GPR39: variants seen among roughly 807,000 people sequenced by gnomAD.
GPR39 encodes the protein G protein-coupled receptor 39, also known as zinc sensing receptor.
A neutral mutation model predicts 18.4 loss-of-function variants in GPR39; 23 were observed. The observed-to-expected ratio is 1.25, with a 90% CI of 0.90 to 1.77. The LOEUF is 1.77. Among genes scored for constraint, GPR39 ranks in the 40% most tolerant of loss-of-function variants. GPR39 has a pLI of 0.00. For synonymous variants in GPR39, 280 were observed against 257.9 expected (o/e 1.09, Z -0.82); for missense variants, 647 against 602.4 (o/e 1.07, Z -0.78).
At position 132,535,695 on chromosome 2, in the gene GPR39, C is replaced by CTTTTT. The variant is rs753801511; in HGVS notation, c.857-109399_857-109395dup. ...GGCTGTGAATCCATCTGGTCCTGGG[C>CTTTTT]TTTTTTTTTTTGGTTGGTAGGCTAT... On this transcript the variant is annotated intron_variant, in intron 1 of 1. Transcript: ENST00000329321. Among the ~76,000 whole-genome samples, 13 of 96,538 alleles carry CTTTTT rather than the reference C, an allele frequency of 1.3e-4. 1 individual carries two copies. In the Middle Eastern group the frequency reaches 0.023, roughly 169 times the overall value. 63.3% of individuals were successfully genotyped at this position (96,538 alleles called of 152,430 possible).
chr2:132,579,994 G>A (rs1680595489), intron 1 of GPR39, among the ~76,000 whole-genome samples: 1 of 152,150 alleles, frequency 6.6e-6, no homozygotes, highest in South Asian at 2.1e-4. Context: ...ATTCATTTTA[G>A]GTAAAAAATA....
rs1215998151 is a variant in GPR39, at chr2:132,492,957, TATATATACACC to T, written c.856+75085_856+75095del. ...ATATATACACACCATATATACACCA[TATATATACACC>T]ATATATACACCATATATACACCATA... On this transcript the variant is annotated intron_variant, in intron 1 of 1. Transcript: ENST00000329321. Among the ~76,000 whole-genome samples, 164 of 143,068 alleles carry T rather than the reference TATATATACACC, an allele frequency of 1.1e-3. 1 individual carries two copies. In the East Asian group the frequency reaches 0.013, roughly 11 times the overall value. 93.9% of individuals were successfully genotyped at this position (143,068 alleles called of 152,430 possible). A position where few individuals can be genotyped will look rare whatever the true frequency, so the allele number is the denominator to read the frequency against.
intron 1 of GPR39, among the ~76,000 whole-genome samples, chr2:132,624,966 G>A (rs76670213): frequency 0.013 from 1,952 of 152,120 alleles, 47 homozygotes; most frequent in African/African-American, 0.044. Flanking sequence ...TGGGTCATAG[G>A]TTCTGCACAT....
chr2:132,611,994 G>C (rs1681246545), intron 1 of GPR39, among the ~76,000 whole-genome samples: 2 of 152,146 alleles, frequency 1.3e-5, no homozygotes, highest in South Asian at 4.1e-4. Flanking sequence ...AAGCAAACAT[G>C]TGAGTTCAGC....
In GPR39 at chr2:132,504,996, T is replaced by C. The variant is rs565253785; in HGVS notation, c.856+87098T>C. On this transcript the variant is annotated intron_variant, in intron 1 of 1. Transcript: ENST00000329321. ...AATCTGTCCAGCTGCTTTCATGTGA[T>C]ATGCTAATAAATAGGCATGTGCCTT... is the stretch of plus-strand genomic sequence containing the variant. 2.6e-5 allele frequency among the ~76,000 whole-genome samples: 4 copies of C among 152,346 alleles called. No homozygotes were observed. The South Asian group carries it at 8.3e-4, about 32-fold the overall frequency.
chr2:132,621,043 C>T (rs752866406), intron 1 of GPR39, among the ~76,000 whole-genome samples: 32 of 152,186 alleles, frequency 2.1e-4, no homozygotes, highest in Non-Finnish European at 3.4e-4. Flanking sequence ...TGAGCCACTG[C>T]GCCTGGCCAC....
chr2:132,456,567 A>G lies in GPR39; in HGVS notation c.856+38669A>G, dbSNP rs980418255. On this transcript the variant is annotated intron_variant, in intron 1 of 1. Coordinates refer to ENST00000329321, the MANE Select transcript of GPR39 (RefSeq NM_001508.3). ...GCCCGTTCATTGATGCAGTTTCTTC[A>G]TAGCATCGATGGTCTTTTCAATTTG... Among the ~76,000 whole-genome samples the G allele has an allele frequency of 2.6e-5, 4 of 152,156 alleles. 1 individual carries two copies. Among genetic ancestry groups the G allele is most frequent in the East Asian group, 3.8e-4 (2 of 5,200 alleles).
chr2:132,571,785 C>A (rs1680444231), intron 1 of GPR39, among the ~76,000 whole-genome samples: 2 of 152,090 alleles, frequency 1.3e-5, no homozygotes, highest in Non-Finnish European at 2.9e-5. Flanking sequence ...TTAAACTAAC[C>A]CCATAAAAAA....
intron 1 of GPR39, among the ~76,000 whole-genome samples, chr2:132,435,609 C>T (rs547917695): frequency 6.6e-6 from 1 of 152,266 alleles, no homozygotes; most frequent in South Asian, 2.1e-4. Flanking sequence ...AATGCCTGCA[C>T]TGTTCAAGGG....
rs1261142901 is a variant in GPR39 at position 132,493,535 on chromosome 2, C to CA, written c.856+75637_856+75638insA. Among the ~76,000 whole-genome samples, 448 of 136,928 alleles carry CA rather than the reference C, an allele frequency of 3.3e-3. 2 individuals are homozygous for CA. Among genetic ancestry groups the CA allele is most frequent in the African/African-American group, 0.011 (393 of 34,432 alleles). 89.8% of individuals were successfully genotyped at this position (136,928 alleles called of 152,430 possible). ...ATATATATATATATATATACACACA[C>CA]CATATATATATATATGGTAGCAGCA... is the stretch of plus-strand genomic sequence containing the variant. On this transcript the variant is annotated intron_variant, in intron 1 of 1. Coordinates refer to ENST00000329321, the MANE Select transcript of GPR39 (RefSeq NM_001508.3).
intron 1 of GPR39, among the ~76,000 whole-genome samples, chr2:132,423,846 A>G (rs1438739640): frequency 6.6e-6 from 1 of 152,208 alleles, no homozygotes; most frequent in African/African-American, 2.4e-5. Context: ...TCATTCCAGC[A>G]TAGTGTCTAG....
chr2:132,526,454 A>G (rs1274904092), intron 1 of GPR39, among the ~76,000 whole-genome samples: 1 of 152,176 alleles, frequency 6.6e-6, no homozygotes, highest in Admixed American at 6.5e-5. Context: ...AAGTGCAGGC[A>G]GGGCTCAGCT....
chr2:132,419,772 G>A (rs1331699020), intron 1 of GPR39, among the ~76,000 whole-genome samples: 2 of 152,156 alleles, frequency 1.3e-5, no homozygotes, highest in Admixed American at 6.5e-5. Flanking sequence ...ACTGGCATGA[G>A]TGGATAAGAA....
intron 1 of GPR39, among the ~76,000 whole-genome samples, chr2:132,555,215 G>T (rs1171896187): frequency 1.5e-5 from 2 of 135,494 alleles, no homozygotes; most frequent in African/African-American, 5.5e-5. Context: ...TTCCCAAAGT[G>T]CTGGGATTAC....
intron 1 of GPR39, among the ~76,000 whole-genome samples, chr2:132,578,466 G>T (rs572128199): frequency 6.6e-6 from 1 of 152,166 alleles, no homozygotes; most frequent in African/African-American, 2.4e-5. Context: ...AAAATATTTG[G>T]TAGAATTCTC....
chr2:132,508,236 G>C (rs1358996419), intron 1 of GPR39, among the ~76,000 whole-genome samples: 1 of 152,080 alleles, frequency 6.6e-6, no homozygotes, highest in South Asian at 2.1e-4. Context: ...TCCCTCCCAG[G>C]AGCCAGGGAC....
At chr2:132,570,320 C>T (rs1255533407) in intron 1 of GPR39, among the ~76,000 whole-genome samples, 1 of 152,146 alleles carries the variant, frequency 6.6e-6, no homozygotes, top group African/African-American at 2.4e-5. Context: ...CAGTTGGGCT[C>T]AATATCTGCT....
At chr2:132,419,531 T>C (rs1244420633) in intron 1 of GPR39, among the ~76,000 whole-genome samples, 1 of 152,204 alleles carries the variant, frequency 6.6e-6, no homozygotes. Context: ...TAGGTAACGT[T>C]ATCTTGGGAC....
chr2:132,473,211 T>TAAAGGACAC (rs1329252878), intron 1 of GPR39, among the ~76,000 whole-genome samples: 2 of 152,172 alleles, frequency 1.3e-5, no homozygotes, highest in Admixed American at 1.3e-4. Context: ...GAGCAAGGAT[T>TAAAGGACAC]TCTCCTTTAG....
Sources: allele counts gnomAD v4.1 joint callset (sites outside exome capture counted in the v4.1 genomes callset), GRCh38; gene constraint gnomAD v4.1.1; transcripts MANE v1.5; gene names NCBI Gene and HGNC (gene_info 2026-07-23, HGNC 2026-07-21).